The following ANKRD28 variants were observed in gnomAD, a reference collection of about 807,000 sequenced individuals.
ANKRD28 encodes the protein ankyrin repeat domain 28.
A neutral mutation model predicts 126.5 loss-of-function variants in ANKRD28; 44 were observed. The ratio of observed to expected loss-of-function variants is 0.35; its 90% confidence interval spans 0.27 to 0.45. The LOEUF is 0.45. Among genes scored for constraint, ANKRD28 ranks in the 20% least tolerant of loss-of-function variants. The pLI is 1.00. For synonymous variants in ANKRD28, 442 were observed against 468.5 expected (o/e 0.94, Z 0.73); for missense variants, 1,110 against 1,316.6 (o/e 0.84, Z 2.43).
rs2060792712 is a variant in ANKRD28 at position 15,814,506 on chromosome 3, A to G, written c.28-19200T>C. Among the ~76,000 whole-genome samples, 1 of 152,180 alleles carries G rather than the reference A, an allele frequency of 6.6e-6. No individual in the cohort carries two copies. Among genetic ancestry groups the G allele is most frequent in the African/African-American group, 2.4e-5 (1 of 41,444 alleles). On this transcript the variant is annotated intron_variant, in intron 1 of 27. Coordinates refer to the ANKRD28 transcript ENST00000399451. This position sits in a 1 kb window ranked among gnomAD's most constrained non-coding sequence, Gnocchi z 4.7. ...AAAAAAATACTAATCTGGGCAACAA[A>G]ACATTTTTTAAAGGCTTTCTTTATA...
intron 3 of ANKRD28, among the ~76,000 whole-genome samples, chr3:15,759,828 T>C (rs921958697): frequency 1.3e-5 from 2 of 152,192 alleles, no homozygotes; most frequent in African/African-American, 4.8e-5. Context: ...TTTGCATGTG[T>C]GTCCCATTTG....
At chr3:15,702,316 T>C (rs1165412208) in intron 14 of ANKRD28, among the ~76,000 whole-genome samples, 17 of 152,150 alleles carry the variant, frequency 1.1e-4, no homozygotes. Flanking sequence ...AATCACAAAA[T>C]TGCTTGATCT....
chr3:15,690,220 C>A lies in ANKRD28; in HGVS notation c.1762G>T (p.Ala588Ser). The change falls in exon 18 of 28, where the codon GCC (alanine) becomes TCC (serine). Residue 588 changes from alanine to serine, a missense_variant and splice_region_variant. Transcript: ENST00000683139. ...AGTGCTTGATGGTGACCATGATAGGCCTAGAAATAAATAAAAATGTAAATT... is the reference window on the plus strand; with the variant it reads ...AGTGCTTGATGGTGACCATGATAGGACTAGAAATAAATAAAAATGTAAATT... Reference protein sequence around the residue: ...RATISPLHLAAYHGHHQALEV... With the variant: ...RATISPLHLASYHGHHQALEV... 1 of 1,569,984 alleles carries A rather than the reference C, an allele frequency of 6.4e-7. No homozygotes were observed. The highest frequency in any genetic ancestry group is 8.6e-7 in the Non-Finnish European group (1 of 1,158,464).
intron 3 of ANKRD28, among the ~76,000 whole-genome samples, chr3:15,763,178 T>C (rs1476411635): frequency 2.0e-5 from 3 of 152,252 alleles, no homozygotes; most frequent in Non-Finnish European, 4.4e-5. Context: ...AGAGCCTAAC[T>C]GGTAAGTCTA....
intron 1 of ANKRD28, among the ~76,000 whole-genome samples, chr3:15,851,001 T>C (rs1046725562): frequency 1.3e-5 from 2 of 152,202 alleles, no homozygotes; most frequent in Non-Finnish European, 2.9e-5. Context: ...ATCTAGCTGG[T>C]GTACACTGGA....
Position 15,678,377 on chromosome 3 carries a change from T to C in ANKRD28, c.2562-23A>G, listed in dbSNP as rs766665773. 8.2e-6 allele frequency: 13 copies of C among 1,578,442 alleles called. No homozygotes were observed. In the East Asian group the frequency reaches 2.5e-4, roughly 30 times the overall value. ...GTTCTGTGATAAAGAAAAATTGAAA[T>C]ATATGACTAAATTTGAATGTTATAT... On this transcript the variant is annotated intron_variant, in intron 23 of 27. Coordinates refer to ENST00000683139, the MANE Select transcript of ANKRD28 (RefSeq NM_001349278.2).
At chr3:15,738,354 C>T (rs905806528) in intron 4 of ANKRD28, among the ~76,000 whole-genome samples, 6 of 151,926 alleles carry the variant, frequency 3.9e-5, no homozygotes, top group Non-Finnish European at 4.4e-5. Flanking sequence ...AGGGAGTGTA[C>T]GAATAGGGTA....
chr3:15,766,607 G>C (rs1456075602), intron 2 of ANKRD28, among the ~76,000 whole-genome samples: 1 of 152,070 alleles, frequency 6.6e-6, no homozygotes, highest in Non-Finnish European at 1.5e-5. Context: ...AAGTGAATGA[G>C]GCTGCAGTGA....
rs1006132761 is a variant in ANKRD28, at chr3:15,796,972, C to T, written c.-451G>A. ...TGTGACAGAGATGATCACAGCGATA[C>T]CCACTCTTGCCTGCAAGGTCATATA... On this transcript the variant is annotated 5_prime_UTR_variant, in exon 1 of 28. Coordinates refer to ENST00000683139, the MANE Select transcript of ANKRD28 (RefSeq NM_001349278.2). The T allele has an allele frequency of 5.4e-5, 53 of 985,270 alleles. No homozygotes were observed. The highest frequency in any genetic ancestry group is 1.8e-4 in the Admixed American group (3 of 16,230). 61.0% of individuals were successfully genotyped at this position (985,270 alleles called of 1,614,324 possible).
chr3:15,752,427 TTTAAAAA>T (rs2057914919), intron 3 of ANKRD28, among the ~76,000 whole-genome samples: 1 of 152,184 alleles, frequency 6.6e-6, no homozygotes, highest in East Asian at 1.9e-4. Flanking sequence ...TGTACAGTTG[TTTAAAAA>T]TCATTAAGTC....
chr3:15,770,451 G>A (rs552879691), intron 2 of ANKRD28, among the ~76,000 whole-genome samples: 1 of 151,334 alleles, frequency 6.6e-6, no homozygotes, highest in Non-Finnish European at 1.5e-5. Context: ...ACTGGGTACA[G>A]AAATCTAACT....
At chr3:15,681,891 C>G (rs1035801097) in intron 21 of ANKRD28, among the ~76,000 whole-genome samples, 4 of 152,126 alleles carry the variant, frequency 2.6e-5, no homozygotes, top group African/African-American at 9.7e-5. Flanking sequence ...TGGAGAGTCC[C>G]TTGCAACAAT....
At position 15,773,947 on chromosome 3, in the gene ANKRD28, G is replaced by T. The variant is rs551612822; in HGVS notation, c.202-7635C>A. ...TTACTATAAAAGTGAAGTAATCAAG[G>T]GAGGGTGGTATGAGAAAAAAGGCAG... On this transcript the variant is annotated intron_variant, in intron 2 of 27. Coordinates refer to ENST00000683139, the MANE Select transcript of ANKRD28 (RefSeq NM_001349278.2). Among the ~76,000 whole-genome samples the T allele has an allele frequency of 2.0e-5, 3 of 152,272 alleles. No homozygotes were observed. The East Asian group carries it at 5.8e-4, about 29-fold the overall frequency.
intron 6 of ANKRD28, among the ~76,000 whole-genome samples, chr3:15,729,197 C>T (rs149042720): frequency 2.0e-4 from 30 of 152,356 alleles, no homozygotes; most frequent in African/African-American, 6.5e-4. Context: ...GAGAGGACCA[C>T]TATTCTCCTT....
intron 1 of ANKRD28, among the ~76,000 whole-genome samples, chr3:15,850,297 C>A (rs1575822064): frequency 8.0e-6 from 1 of 124,434 alleles, no homozygotes; most frequent in Non-Finnish European, 1.7e-5. Flanking sequence ...ATATACAAAA[C>A]AACTCAATAT....
In ANKRD28 at chr3:15,804,564, T is replaced by C. The variant is rs573455518; in HGVS notation, c.28-9258A>G. 2.1e-4 allele frequency among the ~76,000 whole-genome samples: 30 copies of C among 145,020 alleles called. 3 individuals carry two copies. Among genetic ancestry groups the C allele is most frequent in the African/African-American group, 7.7e-4 (30 of 38,818 alleles). ...ATAATATATAATTGTTAAAAGTGAG[T>C]ATAAGTGACTGTTGAGCAGTTAAAA... On this transcript the variant is annotated intron_variant, in intron 1 of 27. Coordinates refer to the ANKRD28 transcript ENST00000399451.
intron 18 of ANKRD28, among the ~76,000 whole-genome samples, chr3:15,687,403 C>T (rs904932738): frequency 1.2e-4 from 18 of 151,842 alleles, no homozygotes; most frequent in Non-Finnish European, 1.6e-4. Context: ...AGTCCAAATG[C>T]ATAAAATGGG....
intron 2 of ANKRD28, among the ~76,000 whole-genome samples, chr3:15,766,814 T>C (rs955646377): frequency 1.3e-5 from 2 of 152,094 alleles, no homozygotes; most frequent in Non-Finnish European, 2.9e-5. Context: ...GACAAAGAAA[T>C]AGCAACACTT....
At chr3:15,674,323 T>C (rs1289265462) in intron 27 of ANKRD28, among the ~76,000 whole-genome samples, 1 of 152,002 alleles carries the variant, frequency 6.6e-6, no homozygotes, top group African/African-American at 2.4e-5. Context: ...GAGTCAATAG[T>C]ATATGCTGAT....
Sources: allele counts gnomAD v4.1 joint callset (sites outside exome capture counted in the v4.1 genomes callset), GRCh38; gene constraint gnomAD v4.1.1; non-coding constraint Gnocchi (gnomAD v3.1); transcripts MANE v1.5; gene names NCBI Gene and HGNC (gene_info 2026-07-23, HGNC 2026-07-21).